Variants in FAM81A observed in about 807,000 individuals in gnomAD.
The protein encoded by FAM81A is protein FAM81A.
In FAM81A, 19 loss-of-function variants were observed where a neutral mutation model predicts 46.7. That is an observed-to-expected ratio of 0.41 (90% CI 0.28 to 0.60). FAM81A has a LOEUF of 0.60. Ranked by LOEUF, FAM81A falls within the 20% of genes least tolerant of loss-of-function variation. FAM81A has a pLI of 0.34. For synonymous variants in FAM81A, 183 were observed against 152.9 expected (o/e 1.20, Z -1.45); for missense variants, 377 against 453.5 (o/e 0.83, Z 1.53).
At chr15:59,491,834 C>T (rs1425675177) in intron 3 of FAM81A, among the ~76,000 whole-genome samples, 4 of 152,100 alleles carry the variant, frequency 2.6e-5, no homozygotes, top group Non-Finnish European at 5.9e-5. Flanking sequence ...GGTGTGATGG[C>T]ACATGCCTGT....
At chr15:59,521,225 A>G in intron 8 of FAM81A, 29 bp from the exon 9 acceptor site, 1 of 1,589,786 alleles carries the variant, frequency 6.3e-7, no homozygotes, top group Non-Finnish European at 8.5e-7. Flanking sequence ...AAAATTGTTA[A>G]CTGTTGTGAA....
At position 59,429,485 on chromosome 15, in the gene FAM81A, C is replaced by T. The variant is rs146382340; in HGVS notation, c.-78+27127C>T. Among the ~76,000 whole-genome samples, 357 of 152,166 alleles carry T rather than the reference C, an allele frequency of 2.3e-3. 2 individuals carry two copies. Among genetic ancestry groups the T allele is most frequent in the African/African-American group, 8.4e-3 (348 of 41,514 alleles). On this transcript the variant is annotated intron_variant, in intron 2 of 4. Coordinates refer to the FAM81A transcript ENST00000558348. ...TTTAAAGTTTTACTTAGAATTGTTC[C>T]TCTCTAAACTTAATAAAAGGAAAGC...
intron 3 of FAM81A, among the ~76,000 whole-genome samples, chr15:59,490,661 A>G (rs1219540566): frequency 6.6e-6 from 1 of 152,112 alleles, no homozygotes; most frequent in Non-Finnish European, 1.5e-5. Flanking sequence ...GTGAAACTCC[A>G]TCTCTACTAA....
rs558715746 is a variant in FAM81A at position 59,484,715 on chromosome 15, G to T, written c.295-7556G>T. Reference sequence around the variant, plus strand: ...CACAGCCGTGGTGGCTGTGAGGAGAGATTTCTTCTGCTTGAGAAAAGCAGA... The same window carrying T: ...CACAGCCGTGGTGGCTGTGAGGAGATATTTCTTCTGCTTGAGAAAAGCAGA... On this transcript the variant is annotated intron_variant, in intron 3 of 8. Transcript: ENST00000288228. Among the ~76,000 whole-genome samples the T allele has an allele frequency of 1.3e-4, 20 of 152,296 alleles. 1 individual carries two copies. In the South Asian group the frequency reaches 2.9e-3, roughly 22 times the overall value.
In FAM81A at chr15:59,447,314, T is replaced by C. The variant is rs1267247917; in HGVS notation, c.-78+9032T>C. The stretch of plus-strand genomic sequence containing the variant: ...GATATTTTGGTGTAAGGATGCCTAA[T>C]GTCTTAGAGACCGTGTAAGACCTCG... On this transcript the variant is annotated intron_variant, in intron 1 of 8. Transcript: ENST00000288228. Among the ~76,000 whole-genome samples the C allele has an allele frequency of 2.6e-5, 4 of 152,200 alleles. No individual in the cohort carries two copies. The East Asian group carries it at 7.7e-4, about 29-fold the overall frequency.
At chr15:59,486,978 A>G (rs1222479010) in intron 3 of FAM81A, among the ~76,000 whole-genome samples, 2 of 151,982 alleles carry the variant, frequency 1.3e-5, no homozygotes, top group Non-Finnish European at 2.9e-5. Context: ...AGTACACAGA[A>G]AAACGCAGAA....
At chr15:59,486,269 A>C (rs775036978) in intron 3 of FAM81A, among the ~76,000 whole-genome samples, 1 of 152,202 alleles carries the variant, frequency 6.6e-6, no homozygotes, top group Non-Finnish European at 1.5e-5. Flanking sequence ...TGAAGAATGC[A>C]TCAGTCTGTT....
chr15:59,474,565 C>G (rs1192770288), intron 3 of FAM81A, among the ~76,000 whole-genome samples: 1 of 152,154 alleles, frequency 6.6e-6, no homozygotes. Context: ...CCTGAAATAC[C>G]ACGCCTCTTA....
At chr15:59,472,890 G>T (rs944540583) in intron 3 of FAM81A, among the ~76,000 whole-genome samples, 2 of 152,108 alleles carry the variant, frequency 1.3e-5, no homozygotes, top group East Asian at 1.9e-4. Context: ...TTGGATGCTG[G>T]TATCTATATT....
intron 2 of FAM81A, among the ~76,000 whole-genome samples, chr15:59,420,414 A>G (rs1334127601): frequency 1.3e-5 from 2 of 152,160 alleles, no homozygotes; most frequent in African/African-American, 4.8e-5. Flanking sequence ...AAATTAAACA[A>G]CCCTTAACTA....
At chr15:59,466,940 C>A (rs1344435082) in intron 3 of FAM81A, among the ~76,000 whole-genome samples, 2 of 152,122 alleles carry the variant, frequency 1.3e-5, no homozygotes, top group Admixed American at 6.6e-5. Flanking sequence ...GCCAGTTTTC[C>A]CAGCACCATT....
chr15:59,433,238 A>C (rs2081229072), upstream of FAM81A, among the ~76,000 whole-genome samples: 1 of 57,654 alleles, frequency 1.7e-5, no homozygotes, highest in African/African-American at 6.2e-5. Context: ...TGGATGGATC[A>C]TGAGGTCAGG....
chr15:59,504,697 A>G (rs1278549880), intron 4 of FAM81A, among the ~76,000 whole-genome samples: 3 of 151,258 alleles, frequency 2.0e-5, no homozygotes, highest in Non-Finnish European at 4.4e-5. Context: ...TAATCTTTGC[A>G]TGTTAGAAAA....
At chr15:59,489,252 G>A (rs12906345) in intron 3 of FAM81A, among the ~76,000 whole-genome samples, 75,288 of 151,154 alleles carry the variant, frequency 0.5, 18,890 homozygotes, top group East Asian at 0.64. Context: ...ACAACAGAGC[G>A]AGACTCCATC....
chr15:59,411,524 C>T (rs1199390350), intron 2 of FAM81A, among the ~76,000 whole-genome samples: 1 of 152,232 alleles, frequency 6.6e-6, no homozygotes, highest in African/African-American at 2.4e-5. Flanking sequence ...GCTGCACCCA[C>T]TTCTCCTTCA....
intron 1 of FAM81A, among the ~76,000 whole-genome samples, chr15:59,449,580 G>T (rs540289573): frequency 6.6e-6 from 1 of 152,158 alleles, no homozygotes; most frequent in East Asian, 1.9e-4. Context: ...AGGAGATCGA[G>T]ACCATCCTGG....
At chr15:59,431,874 G>A (rs1342404523) in intron 2 of FAM81A, among the ~76,000 whole-genome samples, 3 of 152,128 alleles carry the variant, frequency 2.0e-5, no homozygotes, top group Non-Finnish European at 2.9e-5. Flanking sequence ...TGACTATGTG[G>A]GGCTCCAGTG....
chr15:59,464,523 G>A (rs1182119854), intron 3 of FAM81A, among the ~76,000 whole-genome samples: 1 of 152,184 alleles, frequency 6.6e-6, no homozygotes, highest in Non-Finnish European at 1.5e-5. Context: ...ACTGGAGTGA[G>A]ATGATACCTC....
chr15:59,505,568 A>G (rs1401780653), intron 4 of FAM81A, among the ~76,000 whole-genome samples: 3 of 151,670 alleles, frequency 2.0e-5, no homozygotes, highest in African/African-American at 7.3e-5. Flanking sequence ...CACCTATAGC[A>G]TGGAAGTAAG....
Sources: gnomAD v4.1 joint callset for allele counts (sites outside exome capture counted in the v4.1 genomes callset) on GRCh38, gnomAD v4.1.1 for gene constraint, MANE v1.5 for transcripts, NCBI Gene and HGNC (gene_info 2026-07-23, HGNC 2026-07-21) for gene names.